REPS2: variants seen among roughly 807,000 people sequenced by gnomAD.
REPS2 encodes ralBP1-associated Eps domain-containing protein 2.
REPS2 carries 23 observed loss-of-function variants against 53.6 expected under a neutral mutation model. That is an observed-to-expected ratio of 0.43 (90% CI 0.31 to 0.61). REPS2 has a LOEUF of 0.61. Ranked by LOEUF, REPS2 falls within the 20% of genes least tolerant of loss-of-function variation. The probability of loss-of-function intolerance (pLI) is 0.11; values close to 1 mark genes in which losing one functional copy is unlikely to be tolerated. For missense variants in REPS2, 446 were observed against 534.9 expected (o/e 0.83, Z 1.64); for synonymous variants, 238 against 218.6 (o/e 1.09, Z -0.78).
chrX:17,033,404 C>G (rs1322412511), intron 5 of REPS2, among the ~76,000 whole-genome samples: 3 of 111,848 alleles, frequency 2.7e-5, no homozygotes, highest in Non-Finnish European at 5.6e-5. Context: ...GACCACATAG[C>G]ACCATCTGCC....
chrX:17,157,277 C>T (rs1013788796), downstream of REPS2, among the ~76,000 whole-genome samples: 1 of 111,550 alleles, frequency 9.0e-6, no homozygotes, highest in Non-Finnish European at 1.9e-5. Flanking sequence ...CTTTATGGCT[C>T]CATGCTGCAT....
intron 1 of REPS2, among the ~76,000 whole-genome samples, chrX:16,949,092 G>A (rs937178537): frequency 2.7e-5 from 3 of 111,065 alleles, no homozygotes; most frequent in Non-Finnish European, 5.7e-5. Flanking sequence ...TGGTGGTGGT[G>A]GTGGTGGTGG....
chrX:17,079,926 C>A (rs774866039), intron 13 of REPS2, among the ~76,000 whole-genome samples: 1 of 111,957 alleles, frequency 8.9e-6, no homozygotes, highest in Non-Finnish European at 1.9e-5. Flanking sequence ...TAGAAATTAT[C>A]GAAATGCTGA....
chrX:16,963,238 C>T (rs930313881), intron 1 of REPS2, among the ~76,000 whole-genome samples: 7 of 112,253 alleles, frequency 6.2e-5, no homozygotes, highest in Non-Finnish European at 1.3e-4. Flanking sequence ...CTCATATCCA[C>T]TAAGGCTCTA....
intron 17 of REPS2, among the ~76,000 whole-genome samples, chrX:17,144,245 C>T (rs778338027): frequency 8.9e-6 from 1 of 112,757 alleles, no homozygotes; most frequent in African/African-American, 3.2e-5. Flanking sequence ...GTATCTTGTC[C>T]TCAACTGTGC....
intron 14 of REPS2, among the ~76,000 whole-genome samples, chrX:17,105,486 A>G: frequency 8.9e-6 from 1 of 112,399 alleles, no homozygotes; most frequent in Non-Finnish European, 1.9e-5. Flanking sequence ...TGCTATCAGC[A>G]GTCTTCATCT....
At position 17,022,241 on chromosome X, in the gene REPS2, C is replaced by T; in HGVS notation, c.516C>T (p.Ser172=). 8.3e-7 allele frequency: 1 copy of T among 1,209,993 alleles called. No homozygotes were observed. Residue 172 remains serine, a synonymous_variant, in exon 3 of 18, where the codon TCC becomes TCT. Transcript: ENST00000357277. ...CATATTTAACTACAGAAAAAAATTC[C>T]TTCAAAAGAATGGACGATGAGGATA... ...QIPYLTTEKN[S]FKRMDDEDKQ...
chrX:17,124,307 T>G (rs1319795842), intron 14 of REPS2, among the ~76,000 whole-genome samples: 1 of 112,360 alleles, frequency 8.9e-6, no homozygotes, highest in Non-Finnish European at 1.9e-5. Context: ...GGCATGCAGC[T>G]TAGGTATCAA....
intron 8 of REPS2, among the ~76,000 whole-genome samples, chrX:17,056,223 T>TA (rs1447090096): frequency 9.0e-6 from 1 of 111,620 alleles, no homozygotes; most frequent in Non-Finnish European, 1.9e-5. Flanking sequence ...CAAAGTCACT[T>TA]ACCCTTTCAT....
intron 14 of REPS2, among the ~76,000 whole-genome samples, chrX:17,108,527 G>A (rs919465776): frequency 4.7e-4 from 52 of 111,714 alleles, no homozygotes; most frequent in African/African-American, 1.6e-3. Context: ...TGGTACTTCA[G>A]TAGCTAAGTC....
chrX:17,089,730 A>G (rs1478977439), intron 13 of REPS2, among the ~76,000 whole-genome samples: 2 of 112,502 alleles, frequency 1.8e-5, no homozygotes, highest in African/African-American at 3.2e-5. Context: ...TTTATTGCTG[A>G]ATAGTATTCC....
At position 17,152,738 on chromosome X, in the gene REPS2, G is replaced by A. The variant is rs1351034839; in HGVS notation, c.*5257G>A. The A allele has an allele frequency of 8.9e-6, 1 of 111,956 alleles. No homozygotes were observed. Among genetic ancestry groups the A allele is most frequent in the Non-Finnish European group, 1.9e-5 (1 of 53,122 alleles). The allele number at this position is 111,956 out of a possible 1,213,427, so 9.2% of individuals were successfully genotyped here. ...ATTTTTGTTTTAAGTCACCTTGTGC[G>A]AGAACCTCAACCGCACCTATCTTGG... On this transcript the variant is annotated 3_prime_UTR_variant, in exon 18 of 18. Transcript: ENST00000357277.
At chrX:17,099,856 A>G in intron 13 of REPS2, 2 of 644,224 alleles carry the variant, frequency 3.1e-6, no homozygotes, top group Non-Finnish European at 2.6e-6. Flanking sequence ...ACCCGTGGGC[A>G]TTTGACATTG....
chrX:17,079,007 G>C (rs1013310529), intron 13 of REPS2, among the ~76,000 whole-genome samples: 1 of 112,055 alleles, frequency 8.9e-6, no homozygotes, highest in African/African-American at 3.3e-5. Context: ...CAAAATACTT[G>C]GGGTCACAAG....
chrX:17,019,035 G>A (rs2061536757), intron 2 of REPS2, among the ~76,000 whole-genome samples: 1 of 110,566 alleles, frequency 9.0e-6, no homozygotes, highest in African/African-American at 3.3e-5. Flanking sequence ...TCAAACTGCT[G>A]GGCTCAAGTG....
At chrX:16,961,967 C>T (rs111493564) in intron 1 of REPS2, among the ~76,000 whole-genome samples, 117 of 111,422 alleles carry the variant, frequency 1.1e-3, no homozygotes, top group African/African-American at 3.6e-3. Flanking sequence ...TTTAGAATGG[C>T]TATTAGAAAG....
intron 1 of REPS2, among the ~76,000 whole-genome samples, chrX:16,960,447 G>C (rs1039764378): frequency 8.9e-6 from 1 of 112,276 alleles, no homozygotes. Context: ...ACAGCCTTTC[G>C]TGATAAACAT....
chrX:16,990,578 C>T (rs986401935), intron 1 of REPS2, among the ~76,000 whole-genome samples: 1 of 106,966 alleles, frequency 9.3e-6, no homozygotes, highest in African/African-American at 3.4e-5. Flanking sequence ...CCACTGAACT[C>T]CAGCCTGGGC....
At chrX:17,000,632 A>G (rs1325334790) in intron 1 of REPS2, among the ~76,000 whole-genome samples, 1 of 112,252 alleles carries the variant, frequency 8.9e-6, no homozygotes, top group Non-Finnish European at 1.9e-5. Context: ...AAACAGAATC[A>G]AAGATATTAC....
Sources: gnomAD v4.1 joint callset for allele counts (sites outside exome capture counted in the v4.1 genomes callset) on GRCh38, gnomAD v4.1.1 for gene constraint, MANE v1.5 for transcripts, NCBI Gene and HGNC (gene_info 2026-07-23, HGNC 2026-07-21) for gene names.